Variants in SENP5 observed in about 807,000 individuals in gnomAD.
SENP5 encodes sentrin-specific protease 5.
In SENP5, 21 loss-of-function variants were observed where a neutral mutation model predicts 74.2. The ratio of observed to expected loss-of-function variants is 0.28; its 90% CI spans 0.20 to 0.41. SENP5 has a LOEUF of 0.41. Ranked by LOEUF, SENP5 falls within the 10% of genes least tolerant of loss-of-function variation. SENP5 has a pLI of 1.00. For missense variants in SENP5, 717 were observed against 889.1 expected, an observed-to-expected ratio of 0.81 and a Z score of 2.46; for synonymous variants, 311 against 312.7, an observed-to-expected ratio of 0.99 and a Z score of 0.06.
chr3:196,912,655 A>G (rs917902187), intron 6 of SENP5: 3 of 152,232 alleles, frequency 2.0e-5, no homozygotes, highest in African/African-American at 4.8e-5. Flanking sequence ...TGTTCTGCAC[A>G]TGTATCCCGG....
At chr3:196,879,066 G>T (rs1366802192) in intron 1 of SENP5, among the ~76,000 whole-genome samples, 1 of 152,110 alleles carries the variant, frequency 6.6e-6, no homozygotes, top group East Asian at 1.9e-4. Context: ...GCTATAAGGG[G>T]CAGTATTACC....
chr3:196,918,605 G>A (rs151059087), intron 6 of SENP5, among the ~76,000 whole-genome samples: 30 of 151,860 alleles, frequency 2.0e-4, no homozygotes, highest in Admixed American at 4.6e-4. Flanking sequence ...AGGAAGGGAA[G>A]ACCATAAAAC....
rs981227140 is a variant in SENP5 at position 196,922,979 on chromosome 3, C to T, written c.1885-435C>T. On this transcript the variant is annotated intron_variant, in intron 6 of 9. Transcript: ENST00000323460. The stretch of plus-strand genomic sequence containing the variant: ...TGTTGCCCAGGCTGGTCTCAAACTC[C>T]TGGGCTCAAGCAGTTTTTCCGCCTC... Among the ~76,000 whole-genome samples, 9 of 152,088 alleles carry T rather than the reference C, an allele frequency of 5.9e-5. No homozygotes were observed. The East Asian group carries it at 1.7e-3, about 29-fold the overall frequency.
At chr3:196,910,664 A>G (rs576500586) in intron 6 of SENP5, among the ~76,000 whole-genome samples, 1 of 152,162 alleles carries the variant, frequency 6.6e-6, no homozygotes, top group South Asian at 2.1e-4. Flanking sequence ...TAATTAATAG[A>G]TTTAATGCTA....
chr3:196,882,928 ATTT>A (rs10576427), intron 1 of SENP5, among the ~76,000 whole-genome samples: 2,175 of 144,526 alleles, frequency 0.015, 18 homozygotes, highest in Middle Eastern at 0.05. Flanking sequence ...ATCTTTATGG[ATTT>A]TTTTTTTTTT....
At chr3:196,914,586 A>ATATATATAT (rs1553825368) in intron 6 of SENP5, 6 of 33,500 alleles carry the variant, frequency 1.8e-4, no homozygotes, top group African/African-American at 3.6e-4. Flanking sequence ...AAAAAAAAAA[A>ATATATATAT]ATATATATAT....
intron 2 of SENP5, among the ~76,000 whole-genome samples, chr3:196,890,661 T>C (rs145626486): frequency 6.6e-6 from 1 of 152,238 alleles, no homozygotes; most frequent in African/African-American, 2.4e-5. Flanking sequence ...GTTCTTTAAG[T>C]TCTTGCTTCG....
intron 1 of SENP5, among the ~76,000 whole-genome samples, chr3:196,870,390 T>G (rs1215347195): frequency 6.6e-6 from 1 of 152,248 alleles, no homozygotes. Flanking sequence ...TATTCTTTGG[T>G]AGCCTTCTTA....
chr3:196,900,492 T>A, intron 5 of SENP5, 80 bp downstream of exon 5: 3 of 1,120,802 alleles, frequency 2.7e-6, no homozygotes, highest in Non-Finnish European at 3.9e-6. Flanking sequence ...TTACATTTGA[T>A]GTAATTATCT....
intron 5 of SENP5, among the ~76,000 whole-genome samples, chr3:196,900,835 G>A (rs1260648593): frequency 6.6e-6 from 1 of 151,802 alleles, no homozygotes; most frequent in African/African-American, 2.4e-5. Context: ...ATCCACCTCT[G>A]CCTTGGTCTC....
intron 6 of SENP5, among the ~76,000 whole-genome samples, chr3:196,920,877 AT>A (rs1715588334): frequency 6.6e-6 from 1 of 152,200 alleles, no homozygotes; most frequent in African/African-American, 2.4e-5. Flanking sequence ...ACTTCTGCTT[AT>A]TACATCCTTT....
intron 1 of SENP5, among the ~76,000 whole-genome samples, chr3:196,869,203 A>G (rs932724656): frequency 2.7e-5 from 4 of 150,200 alleles, no homozygotes; most frequent in Admixed American, 6.7e-5. Flanking sequence ...TGGGCTCACA[A>G]TTTTTTTTTG....
chr3:196,872,632 G>A (rs1713265866), intron 1 of SENP5, among the ~76,000 whole-genome samples: 1 of 152,126 alleles, frequency 6.6e-6, no homozygotes. Flanking sequence ...CGTGTGGTTA[G>A]TGGCTACCAT....
intron 6 of SENP5, among the ~76,000 whole-genome samples, chr3:196,921,196 C>T (rs1715607939): frequency 6.6e-6 from 1 of 152,170 alleles, no homozygotes; most frequent in African/African-American, 2.4e-5. Context: ...ACTTATGTTT[C>T]ATATTCACCT....
intron 1 of SENP5, among the ~76,000 whole-genome samples, chr3:196,873,639 G>C (rs1220970228): frequency 3.3e-5 from 5 of 151,644 alleles, no homozygotes; most frequent in African/African-American, 9.7e-5. Context: ...AGGAGATCAA[G>C]ACCATCCTGG....
chr3:196,893,209 A>G (rs1182314087), intron 2 of SENP5, among the ~76,000 whole-genome samples: 1 of 152,204 alleles, frequency 6.6e-6, no homozygotes, highest in Non-Finnish European at 1.5e-5. Context: ...TGCTTTTTAA[A>G]TTGGGTTATG....
At chr3:196,928,281 G>A (rs1223042934) in intron 8 of SENP5, among the ~76,000 whole-genome samples, 1 of 152,228 alleles carries the variant, frequency 6.6e-6, no homozygotes, top group Non-Finnish European at 1.5e-5. Flanking sequence ...TGGCAGGCAT[G>A]TGGGGAAGAT....
At chr3:196,914,088 GT>G (rs1715252142) in intron 6 of SENP5, 1 of 152,188 alleles carries the variant, frequency 6.6e-6, no homozygotes, top group Non-Finnish European at 1.5e-5. Flanking sequence ...AATATTTTGG[GT>G]AAATTAGGGG....
At chr3:196,898,530 G>T (rs62410822) in intron 2 of SENP5, among the ~76,000 whole-genome samples, 1 of 151,468 alleles carries the variant, frequency 6.6e-6, no homozygotes, top group South Asian at 2.1e-4. Context: ...AGGAGTTTGA[G>T]GCTGTAGTGA....
Sources: allele counts gnomAD v4.1 joint callset (sites outside exome capture counted in the v4.1 genomes callset), GRCh38; gene constraint gnomAD v4.1.1; transcripts MANE v1.5; gene names NCBI Gene and HGNC (gene_info 2026-07-23, HGNC 2026-07-21).